LENEP: variants seen among roughly 807,000 people sequenced by gnomAD.
The protein encoded by LENEP is lens epithelial protein, also known as lens epithelial cell protein LEP503.
LENEP carries 2 observed loss-of-function variants against 4.1 expected under a neutral mutation model. The observed-to-expected ratio is 0.49, with a 90% confidence interval of 0.20 to 1.53. The LOEUF (loss-of-function observed/expected upper bound fraction) is 1.53, where lower values mean the gene tolerates loss of function less well. LENEP is among the 40% of genes most tolerant of loss of function. The probability of loss-of-function intolerance (pLI) is 0.23; values close to 1 mark genes in which losing one functional copy is unlikely to be tolerated. For synonymous variants in LENEP, 30 were observed against 33.3 expected, an observed-to-expected ratio of 0.90 and a Z score of 0.34; for missense variants, 63 against 77.0, an observed-to-expected ratio of 0.82 and a Z score of 0.68.
At position 154,993,776 on chromosome 1, in the gene LENEP, A is replaced by G. The variant is rs768704507; in HGVS notation, c.169A>G (p.Lys57Glu). The change falls in exon 1 of 1, where the codon AAG becomes GAG. Residue 57 changes from lysine (K) to glutamate (E), a missense_variant. Coordinates refer to ENST00000392487, the MANE Select transcript of LENEP (RefSeq NM_001394530.1). ...AYILLCCWCI[K>E]ELLD ...CATCCTCCTCTGCTGCTGGTGTATC[A>G]AGGAACTGCTGGATTAATGGTAGCA... The G allele has an allele frequency of 8.5e-5, 137 of 1,612,522 alleles. No homozygotes were observed. Among genetic ancestry groups the G allele is most frequent in the Non-Finnish European group, 1.1e-4 (133 of 1,179,268 alleles).
chr1:154,994,041 C>G lies in LENEP; in HGVS notation c.*248C>G. Reference sequence around the variant, plus strand: ...TGGATCCTGCTTTGAGCTGTGTCATCTAGCAGACCTGCCTCATCTCTGAGC... The same window carrying G: ...TGGATCCTGCTTTGAGCTGTGTCATGTAGCAGACCTGCCTCATCTCTGAGC... On this transcript the variant is annotated 3_prime_UTR_variant, in exon 1 of 1. Transcript: ENST00000392487. 1 of 471,022 alleles carries G rather than the reference C, an allele frequency of 2.1e-6. No individual in the cohort carries two copies. The highest frequency in any genetic ancestry group is 3.7e-6 in the Non-Finnish European group (1 of 268,050). The allele number at this position is 471,022 out of a possible 1,614,324, so 29.2% of individuals were successfully genotyped here.
At position 154,993,898 on chromosome 1, in the gene LENEP, A is replaced by G; in HGVS notation, c.*105A>G. ...GGCATAGCTGCAGCTTCTGTGGCAG[A>G]GCTTGCCTTAGCTTCTCATTCTCTT... On this transcript the variant is annotated 3_prime_UTR_variant, in exon 1 of 1. Coordinates refer to ENST00000392487, the MANE Select transcript of LENEP (RefSeq NM_001394530.1). 1 of 1,074,462 alleles carries G rather than the reference A, an allele frequency of 9.3e-7. No homozygotes were observed. The highest frequency in any genetic ancestry group is 1.5e-5 in the South Asian group (1 of 68,930). 66.6% of individuals were successfully genotyped at this position (1,074,462 alleles called of 1,614,324 possible). A position where few individuals can be genotyped will look rare whatever the true frequency, so the allele number is the denominator to read the frequency against.
Sources: allele counts gnomAD v4.1 joint callset, GRCh38; gene constraint gnomAD v4.1.1; transcripts MANE v1.5; gene names NCBI Gene and HGNC (gene_info 2026-07-23, HGNC 2026-07-21).